HIGD2B: variants seen among roughly 807,000 people sequenced by gnomAD.
The protein encoded by HIGD2B is HIG1 domain family member 2B.
For missense variants in HIGD2B, 106 were observed against 67.0 expected (o/e 1.58, Z -2.03); for synonymous variants, 45 against 28.1 (o/e 1.60, Z -1.90).
rs2150982907 is a variant in HIGD2B, at chr15:72,685,910, G to A, written c.-285C>T. 1.9e-6 allele frequency: 1 copy of A among 513,414 alleles called. No homozygotes were observed. Among genetic ancestry groups the A allele is most frequent in the Non-Finnish European group, 3.6e-6 (1 of 281,594 alleles). 31.8% of individuals were successfully genotyped at this position (513,414 alleles called of 1,614,324 possible). A position where few individuals can be genotyped will look rare whatever the true frequency, so the allele number is the denominator to read the frequency against. On this transcript the variant is annotated 5_prime_UTR_variant, in exon 1 of 3. Transcript: ENST00000311755. ...GTCAGGGCAGGGTAAGGTGGCGGGA[G>A]AACTAGGCTGCCATCCCAGGTGGCT... is the stretch of plus-strand genomic sequence containing the variant.
chr15:72,679,890 A>C (rs1252662605), intron 2 of HIGD2B, 125 bp downstream of exon 2: 1 of 164,218 alleles, frequency 6.1e-6, no homozygotes, highest in Non-Finnish European at 1.3e-5. Flanking sequence ...CATTTATCTG[A>C]GAGTGATGTT....
At chr15:72,678,102 G>A (rs2064711998) in intron 2 of HIGD2B, among the ~76,000 whole-genome samples, 1 of 152,186 alleles carries the variant, frequency 6.6e-6, no homozygotes, top group African/African-American at 2.4e-5. Context: ...CAAGAGGGAA[G>A]AGGTACTCAT....
At position 72,675,951 on chromosome 15, in the gene HIGD2B, A is replaced by G. The variant is rs563409124; in HGVS notation, c.*103T>C. Reference sequence around the variant, plus strand: ...AAGGGTCACTTCCTCCCCCAACGACACAGGGACCTCTCAAAGGAGAGGAGA... The same window carrying G: ...AAGGGTCACTTCCTCCCCCAACGACGCAGGGACCTCTCAAAGGAGAGGAGA... On this transcript the variant is annotated 3_prime_UTR_variant, in exon 3 of 3. Coordinates refer to ENST00000311755, the MANE Select transcript of HIGD2B (RefSeq NM_001350932.3). 10 of 611,906 alleles carry G rather than the reference A, an allele frequency of 1.6e-5. No homozygotes were observed. In the African/African-American group the frequency reaches 1.8e-4, roughly 11 times the overall value. The allele number at this position is 611,906 out of a possible 1,614,324, so 37.9% of individuals were successfully genotyped here.
chr15:72,679,502 T>C (rs1296760865), intron 2 of HIGD2B, among the ~76,000 whole-genome samples: 1 of 152,068 alleles, frequency 6.6e-6, no homozygotes, highest in East Asian at 1.9e-4. Context: ...ACTAGCCAGA[T>C]GGTTTTGTGA....
intron 1 of HIGD2B, among the ~76,000 whole-genome samples, chr15:72,681,655 G>C (rs2064751636): frequency 6.7e-6 from 1 of 148,814 alleles, no homozygotes; most frequent in African/African-American, 2.5e-5. Context: ...CCAGGCTGGA[G>C]TGCAGTGGTG....
In HIGD2B at chr15:72,676,122, C is replaced by T. The variant is rs771033373; in HGVS notation, c.253G>A (p.Ala85Thr). 2.1e-5 allele frequency: 16 copies of T among 764,940 alleles called. No homozygotes were observed. Among genetic ancestry groups the T allele is most frequent in the East Asian group, 4.9e-5 (2 of 41,126 alleles). 47.4% of individuals were successfully genotyped at this position (764,940 alleles called of 1,614,324 possible). A position where few individuals can be genotyped will look rare whatever the true frequency, so the allele number is the denominator to read the frequency against. ...SRLMMHTQIA[A>T]QGFTIAAILL... ...ATGGCTGCAATGGTGAAGCCCTGGGCGGCGATCTGGGTGTGCATCATAAGC... is the reference window on the plus strand; with the variant it reads ...ATGGCTGCAATGGTGAAGCCCTGGGTGGCGATCTGGGTGTGCATCATAAGC... The change falls in exon 3 of 3, where the codon GCC becomes ACC. Residue 85 changes from alanine to threonine, a missense_variant. Physicochemically the swap from Ala to Thr is moderately conservative, Grantham distance 58. Coordinates refer to ENST00000311755, the MANE Select transcript of HIGD2B (RefSeq NM_001350932.3).
At chr15:72,680,476 C>T (rs2064737574) in intron 1 of HIGD2B, among the ~76,000 whole-genome samples, 1 of 152,116 alleles carries the variant, frequency 6.6e-6, no homozygotes. Flanking sequence ...GTATTATAAT[C>T]ATTTATTGTT....
At position 72,677,299 on chromosome 15, in the gene HIGD2B, A is replaced by T. The variant is rs148476501; in HGVS notation, c.-13-912T>A. 6.1e-4 allele frequency among the ~76,000 whole-genome samples: 93 copies of T among 152,032 alleles called. No homozygotes were observed. The South Asian group carries it at 0.018, about 30-fold the overall frequency. On this transcript the variant is annotated intron_variant, in intron 2 of 2. Transcript: ENST00000311755. ...ACAAAAATTAGCCGGGCATGGTGGCACACTACTCAGGAGCTACACAAGAGG... is the reference window on the plus strand; with the variant it reads ...ACAAAAATTAGCCGGGCATGGTGGCTCACTACTCAGGAGCTACACAAGAGG...
At chr15:72,683,036 T>C (rs2064765784) in intron 1 of HIGD2B, 1 of 183,096 alleles carries the variant, frequency 5.5e-6, no homozygotes, top group Non-Finnish European at 1.2e-5. Flanking sequence ...TGTAGTTCTT[T>C]GCTCTGAAAA....
chr15:72,676,093 C>T lies in HIGD2B; in HGVS notation c.282G>A (p.Leu94=). Residue 94 remains leucine, a synonymous_variant, in exon 3 of 3, where the codon TTG becomes TTA. Coordinates refer to ENST00000311755, the MANE Select transcript of HIGD2B (RefSeq NM_001350932.3). ...AAQGFTIAAI[L]LGLAATAMKS... ...TCATAGCGGTGGCAGCTAGACCCAG[C>T]AAGATGGCTGCAATGGTGAAGCCCT... 1 of 764,846 alleles carries T rather than the reference C, an allele frequency of 1.3e-6. No homozygotes were observed. 47.4% of individuals were successfully genotyped at this position (764,846 alleles called of 1,614,324 possible). A position where few individuals can be genotyped will look rare whatever the true frequency, so the allele number is the denominator to read the frequency against.
chr15:72,685,755 G>A (rs991773815), intron 1 of HIGD2B, 63 bp downstream of exon 1: 5 of 220,744 alleles, frequency 2.3e-5, no homozygotes, highest in Non-Finnish European at 2.8e-5. Context: ...AACAAGAGTG[G>A]GAAGCTGATA....
In HIGD2B at chr15:72,685,665, C is replaced by G. The variant is rs35686419; in HGVS notation, c.-193+153G>C. Among the ~76,000 whole-genome samples the G allele has an allele frequency of 9.7e-3, 1,471 of 152,204 alleles. 50 individuals carry two copies. The East Asian group carries it at 0.13, about 14-fold the overall frequency. On this transcript the variant is annotated intron_variant, in intron 1 of 2. Coordinates refer to ENST00000311755, the MANE Select transcript of HIGD2B (RefSeq NM_001350932.3). ...CCATGGCCGATTTCTTGTGAAATCT[C>G]CTAACTTTTAAATATTTCCAATCAA...
rs1392631615 is a variant in HIGD2B at position 72,676,302 on chromosome 15, T to C, written c.73A>G (p.Ser25Gly). The change falls in exon 3 of 3, where the codon AGC (serine) becomes GGC (glycine). Residue 25 changes from serine (S) to glycine (G), a missense_variant. Ser to Gly is a moderately conservative substitution (Grantham distance 56). Transcript: ENST00000311755. ...SSKPPIFEGL[S>G]PTVYSNPEGF... is the part of the protein sequence containing the mutation. The stretch of plus-strand genomic sequence containing the variant: ...TCTGGATTGCTGTAAACAGTGGGGC[T>C]AAGCCCCTCAAAGATGGGGGGCTTC... 1.3e-6 allele frequency: 1 copy of C among 763,128 alleles called. No homozygotes were observed. The highest frequency in any genetic ancestry group is 2.4e-5 in the East Asian group (1 of 41,178). The allele number at this position is 763,128 out of a possible 1,614,324, so 47.3% of individuals were successfully genotyped here.
intron 2 of HIGD2B, among the ~76,000 whole-genome samples, chr15:72,679,365 C>CAA (rs33992211): frequency 0.017 from 2,121 of 123,340 alleles, 56 homozygotes; most frequent in African/African-American, 0.055. Context: ...AACTGTGTCT[C>CAA]AAAAAAAAAA....
At chr15:72,684,318 CA>C (rs916104780) in intron 1 of HIGD2B, among the ~76,000 whole-genome samples, 10 of 152,104 alleles carry the variant, frequency 6.6e-5, no homozygotes, top group Non-Finnish European at 1.5e-4. Flanking sequence ...AGTAAAGTTA[CA>C]AAGACATTTA....
At position 72,684,999 on chromosome 15, in the gene HIGD2B, G is replaced by T. The variant is rs369623072; in HGVS notation, c.-193+819C>A. Among the ~76,000 whole-genome samples the T allele has an allele frequency of 9.2e-5, 14 of 152,222 alleles. No individual in the cohort carries two copies. The East Asian group carries it at 2.7e-3, about 29-fold the overall frequency. ...GGGGTTTCACCATGCTGGCCAAGCT[G>T]GAAAATTTTATTTTTAATAAATGAA... On this transcript the variant is annotated intron_variant, in intron 1 of 2. Coordinates refer to ENST00000311755, the MANE Select transcript of HIGD2B (RefSeq NM_001350932.3).
chr15:72,679,636 A>G (rs1358180932), intron 2 of HIGD2B, among the ~76,000 whole-genome samples: 2 of 152,132 alleles, frequency 1.3e-5, no homozygotes, highest in Non-Finnish European at 2.9e-5. Flanking sequence ...ATATTATACC[A>G]TAAATGTTAT....
chr15:72,677,800 AT>A (rs748056549), intron 2 of HIGD2B, among the ~76,000 whole-genome samples: 31 of 152,022 alleles, frequency 2.0e-4, no homozygotes, highest in Non-Finnish European at 3.4e-4. Flanking sequence ...AATAGAACAT[AT>A]AAAAGTAAAT....
chr15:72,680,247 A>G (rs2064735127), intron 1 of HIGD2B, 54 bp from the exon 2 acceptor site: 1 of 153,802 alleles, frequency 6.5e-6, no homozygotes, highest in African/African-American at 2.4e-5. Context: ...ATTTACCTTT[A>G]AAAATAACAA....
Sources: gnomAD v4.1 joint callset for allele counts (sites outside exome capture counted in the v4.1 genomes callset) on GRCh38, gnomAD v4.1.1 for gene constraint, MANE v1.5 for transcripts, NCBI Gene and HGNC (gene_info 2026-07-23, HGNC 2026-07-21) for gene names.